The following MIPOL1 variants were observed in gnomAD, a reference collection of about 807,000 sequenced individuals.
The protein encoded by MIPOL1 is mirror-image polydactyly 1, also known as mirror-image polydactyly gene 1 protein.
In MIPOL1, 57 loss-of-function variants were observed where a neutral mutation model predicts 60.9. The observed-to-expected ratio is 0.94, with a 90% CI of 0.76 to 1.17. MIPOL1 has a LOEUF of 1.17. MIPOL1 is among the 50% of genes most tolerant of loss of function. MIPOL1 has a pLI of 0.00. For synonymous variants in MIPOL1, 179 were observed against 168.8 expected, an observed-to-expected ratio of 1.06 and a Z score of -0.47; for missense variants, 551 against 511.6, an observed-to-expected ratio of 1.08 and a Z score of -0.74.
intron 11 of MIPOL1, among the ~76,000 whole-genome samples, chr14:37,447,690 T>C (rs1490941058): frequency 6.6e-6 from 1 of 152,210 alleles, no homozygotes; most frequent in Non-Finnish European, 1.5e-5. Context: ...GATATGTGAC[T>C]GGAGGTAATT....
At chr14:37,437,043 A>T (rs2094173441) in intron 11 of MIPOL1, among the ~76,000 whole-genome samples, 1 of 152,162 alleles carries the variant, frequency 6.6e-6, no homozygotes, top group South Asian at 2.1e-4. Context: ...ATGTTTATGA[A>T]ATGTATGAAT....
intron 10 of MIPOL1, among the ~76,000 whole-genome samples, chr14:37,409,209 G>A (rs2093641479): frequency 6.6e-6 from 1 of 152,028 alleles, no homozygotes; most frequent in African/African-American, 2.4e-5. Flanking sequence ...GATCAATCAA[G>A]CACATCAGGA....
intron 11 of MIPOL1, among the ~76,000 whole-genome samples, chr14:37,449,037 T>G (rs1472343745): frequency 1.3e-5 from 2 of 152,214 alleles, no homozygotes; most frequent in East Asian, 3.8e-4. Context: ...CTTAAAATAA[T>G]TTCTGGTTTA....
chr14:37,426,663 G>GTGTATATATATATA (rs1566584333), intron 11 of MIPOL1, among the ~76,000 whole-genome samples: 2 of 142,720 alleles, frequency 1.4e-5, no homozygotes, highest in African/African-American at 2.6e-5. Flanking sequence ...ATATATATAT[G>GTGTATATATATATA]CACACAAGTA....
chr14:37,533,219 C>T (rs2153637215), intron 12 of MIPOL1, among the ~76,000 whole-genome samples: 1 of 152,146 alleles, frequency 6.6e-6, no homozygotes, highest in South Asian at 2.1e-4. Flanking sequence ...AATGTCTAAG[C>T]CCAATAACAT....
intron 6 of MIPOL1, chr14:37,278,810 T>C (rs1040301859): frequency 2.0e-5 from 3 of 151,842 alleles, no homozygotes; most frequent in African/African-American, 7.2e-5. Context: ...GATTTGCCAA[T>C]AGACTTGGGT....
chr14:37,479,160 A>G (rs2094823008), intron 11 of MIPOL1, among the ~76,000 whole-genome samples: 1 of 152,118 alleles, frequency 6.6e-6, no homozygotes, highest in South Asian at 2.1e-4. Context: ...AAAATTAATA[A>G]AATATTGGAC....
Position 37,267,102 on chromosome 14 carries a change from A to G in MIPOL1, c.184A>G (p.Thr62Ala), listed in dbSNP as rs767633923. The change falls in exon 4 of 13, where the codon ACG (threonine) becomes GCG (alanine). Residue 62 changes from threonine to alanine, a missense_variant. Transcript: ENST00000684589. ...ENTEWPGQRS[T>A]NFQIISSYPD... ...CACAGAATGGCCAGGGCAGAGATCAACGAATTTTCAGATCATCAGTTCTTA... is the reference window on the plus strand; with the variant it reads ...CACAGAATGGCCAGGGCAGAGATCAGCGAATTTTCAGATCATCAGTTCTTA... 2 of 1,614,002 alleles carry G rather than the reference A, an allele frequency of 1.2e-6. No homozygotes were observed. The highest frequency in any genetic ancestry group is 1.1e-5 in the South Asian group (1 of 91,082).
At chr14:37,512,260 A>C (rs1011337556) in intron 12 of MIPOL1, among the ~76,000 whole-genome samples, 1 of 141,386 alleles carries the variant, frequency 7.1e-6, no homozygotes, top group African/African-American at 2.7e-5. Flanking sequence ...GAAATTGTGA[A>C]TTCTCAGCCT....
chr14:37,433,484 T>G (rs1401275691), intron 11 of MIPOL1, among the ~76,000 whole-genome samples: 1 of 152,106 alleles, frequency 6.6e-6, no homozygotes, highest in Non-Finnish European at 1.5e-5. Context: ...GGTTTTCTGT[T>G]CCTGTGTTAG....
chr14:37,203,010 C>T (rs1965561300), intron 1 of MIPOL1, among the ~76,000 whole-genome samples: 1 of 152,136 alleles, frequency 6.6e-6, no homozygotes, highest in African/African-American at 2.4e-5. Context: ...GGGCAGATGA[C>T]TCACTTCCAC....
intron 9 of MIPOL1, among the ~76,000 whole-genome samples, chr14:37,348,983 C>CTTTTTT (rs11347957): frequency 3.1e-4 from 23 of 74,138 alleles, no homozygotes; most frequent in South Asian, 6.4e-4. Context: ...CCAGCTAATT[C>CTTTTTT]TTTTTTTTTT....
At chr14:37,346,526 A>C (rs1175478084) in intron 9 of MIPOL1, among the ~76,000 whole-genome samples, 1 of 152,094 alleles carries the variant, frequency 6.6e-6, no homozygotes, top group South Asian at 2.1e-4. Context: ...ACAATTTTTC[A>C]TGTAAAAATT....
At chr14:37,318,824 T>G (rs28403000) in intron 9 of MIPOL1, among the ~76,000 whole-genome samples, 139,452 of 148,330 alleles carry the variant, frequency 0.94, 65,933 homozygotes, top group East Asian at 1. Context: ...TATTTATTTA[T>G]TTAGTTAGTT....
intron 3 of MIPOL1, among the ~76,000 whole-genome samples, chr14:37,253,854 G>A (rs1158404409): frequency 6.6e-6 from 1 of 151,634 alleles, no homozygotes; most frequent in Non-Finnish European, 1.5e-5. Context: ...TGAAATTCCA[G>A]TTGCAATAAA....
At chr14:37,245,815 C>T (rs931483440) in intron 1 of MIPOL1, among the ~76,000 whole-genome samples, 1 of 152,014 alleles carries the variant, frequency 6.6e-6, no homozygotes, top group Admixed American at 6.6e-5. Context: ...TTAACACAGG[C>T]TTTTTGGTTA....
At chr14:37,238,128 C>T (rs1442803250) in intron 1 of MIPOL1, among the ~76,000 whole-genome samples, 1 of 152,044 alleles carries the variant, frequency 6.6e-6, no homozygotes, top group African/African-American at 2.4e-5. Context: ...CTATCTTCTC[C>T]CTTCTGTGAA....
chr14:37,218,961 C>A (rs1053417136), intron 1 of MIPOL1, among the ~76,000 whole-genome samples: 1 of 150,428 alleles, frequency 6.6e-6, no homozygotes, highest in African/African-American at 2.4e-5. Context: ...AAAACCAGAG[C>A]TAGGTAATAT....
intron 11 of MIPOL1, among the ~76,000 whole-genome samples, chr14:37,435,839 T>A (rs2094155088): frequency 6.6e-6 from 1 of 152,156 alleles, no homozygotes; most frequent in Non-Finnish European, 1.5e-5. Context: ...TTGAAAAGAC[T>A]CATGCATGGT....
Sources: gnomAD v4.1 joint callset for allele counts (sites outside exome capture counted in the v4.1 genomes callset) on GRCh38, gnomAD v4.1.1 for gene constraint, MANE v1.5 for transcripts, NCBI Gene and HGNC (gene_info 2026-07-23, HGNC 2026-07-21) for gene names.